The following RB1 variants were observed in gnomAD, a reference collection of about 807,000 sequenced individuals.
RB1 encodes the protein RB transcriptional corepressor 1.
A neutral mutation model predicts 135.4 loss-of-function variants in RB1; 18 were observed. That is an observed-to-expected ratio of 0.13 (90% CI 0.09 to 0.20). RB1 has a LOEUF of 0.20. Among genes scored for constraint, RB1 ranks in the 10% least tolerant of loss-of-function variants. The probability of loss-of-function intolerance (pLI) is 1.00; values close to 1 mark genes in which losing one functional copy is unlikely to be tolerated. For synonymous variants in RB1, 365 were observed against 373.2 expected (o/e 0.98, Z 0.25); for missense variants, 868 against 1,110.0 (o/e 0.78, Z 3.10).
chr13:48,333,486 T>C (rs556054564), intron 2 of RB1, among the ~76,000 whole-genome samples: 1 of 152,182 alleles, frequency 6.6e-6, no homozygotes, highest in African/African-American at 2.4e-5. Flanking sequence ...TTGAGCTCAA[T>C]AATCTAAGCA....
At chr13:48,317,953 C>T (rs1419197085) in intron 2 of RB1, 2 of 446,192 alleles carry the variant, frequency 4.5e-6, no homozygotes, top group South Asian at 2.0e-5. Flanking sequence ...TGGCCTTTTC[C>T]GCCAAAAACT....
intron 2 of RB1, 87 bp from the exon 3 acceptor site, chr13:48,342,512 A>G: frequency 1.2e-6 from 1 of 851,846 alleles, no homozygotes; most frequent in South Asian, 1.4e-5. Context: ...GCTGAATAAG[A>G]AAAAATCAGT....
intron 17 of RB1, among the ~76,000 whole-genome samples, chr13:48,430,773 A>C (rs1319918470): frequency 1.3e-5 from 2 of 151,612 alleles, no homozygotes; most frequent in East Asian, 1.9e-4. Context: ...AACAAAAAAA[A>C]AAAACAGTAG....
intron 17 of RB1, among the ~76,000 whole-genome samples, chr13:48,420,764 T>C (rs1371607681): frequency 1.3e-5 from 2 of 152,062 alleles, no homozygotes; most frequent in Non-Finnish European, 2.9e-5. Flanking sequence ...GAGAGCCAAA[T>C]CATGAGTGAA....
chr13:48,344,388 C>G (rs891836414), intron 3 of RB1, among the ~76,000 whole-genome samples: 6 of 152,100 alleles, frequency 3.9e-5, no homozygotes, highest in Non-Finnish European at 8.8e-5. Flanking sequence ...AGGAGGGCAT[C>G]CTTTGTGTGG....
intron 17 of RB1, among the ~76,000 whole-genome samples, chr13:48,389,043 C>T (rs1418590780): frequency 5.9e-5 from 9 of 152,068 alleles, no homozygotes; most frequent in Admixed American, 5.9e-4. Context: ...GCCTGTAATT[C>T]TAGCTACTCG....
intron 2 of RB1, among the ~76,000 whole-genome samples, chr13:48,309,104 G>A (rs1392751044): frequency 6.6e-6 from 1 of 152,136 alleles, no homozygotes; most frequent in African/African-American, 2.4e-5. Flanking sequence ...CTGGCACAAA[G>A]TGAGTCCTTG....
intron 24 of RB1, among the ~76,000 whole-genome samples, chr13:48,476,184 C>G (rs1949503105): frequency 6.6e-6 from 1 of 152,114 alleles, no homozygotes; most frequent in African/African-American, 2.4e-5. Context: ...TCCGTCAAAT[C>G]AGATATAATT....
intron 2 of RB1, among the ~76,000 whole-genome samples, chr13:48,311,788 C>T (rs1025931512): frequency 5.9e-5 from 9 of 152,194 alleles, no homozygotes; most frequent in African/African-American, 1.4e-4. Flanking sequence ...TCACTGCAAC[C>T]TCTGCCTCCC....
Position 48,345,196 on chromosome 13 carries a change from A to G in RB1, c.497A>G (p.Glu166Gly). Reference sequence around the variant, plus strand: ...TTGTTTGCACTCTTCAGCAAATTGGAAAGGTAAAGTAAACATTTTATTAGG... The same window carrying G: ...TTGTTTGCACTCTTCAGCAAATTGGGAAGGTAAAGTAAACATTTTATTAGG... The part of the protein sequence containing the change: ...DVLFALFSKL[E>G]RTCELIYLTQ... Residue 166 changes from glutamate (E) to glycine (G), a missense_variant, in exon 4 of 27, where the codon GAA becomes GGA. Glu to Gly is a moderately conservative substitution (Grantham distance 98). This residue lies in a region of RB1 where 641 missense variants were observed against 791.3 expected (regional missense o/e 0.81). Transcript: ENST00000267163. The G allele has an allele frequency of 6.2e-7, 1 of 1,611,818 alleles. No homozygotes were observed.
chr13:48,358,529 A>C (rs1952612025), intron 6 of RB1, among the ~76,000 whole-genome samples: 1 of 152,086 alleles, frequency 6.6e-6, no homozygotes, highest in South Asian at 2.1e-4. Context: ...CGTTGTTCTG[A>C]GTTTTTGTTA....
At chr13:48,381,766 T>A (rs942437428) in intron 17 of RB1, among the ~76,000 whole-genome samples, 4 of 152,206 alleles carry the variant, frequency 2.6e-5, no homozygotes, top group African/African-American at 9.6e-5. Context: ...TACATATGTA[T>A]ACATGTGCCA....
intron 13 of RB1, among the ~76,000 whole-genome samples, chr13:48,379,061 A>C (rs987836878): frequency 6.6e-6 from 1 of 152,172 alleles, no homozygotes; most frequent in Non-Finnish European, 1.5e-5. Context: ...AGTTTTACTA[A>C]ATTTATGGAC....
intron 16 of RB1, 99 bp from the exon 17 acceptor site, chr13:48,381,148 C>T (rs2138144476): frequency 2.1e-6 from 3 of 1,460,528 alleles, no homozygotes; most frequent in Non-Finnish European, 2.7e-6. Context: ...AATGGTTTAA[C>T]CTTTCTACTG....
chr13:48,431,248 A>G lies in RB1; in HGVS notation c.1696-21745A>G, dbSNP rs115575533. ...TCAGTTTTAGGTACCCAAATTTAAT[A>G]TTTGTATTTTTTTTAAGTTTTGGCC... On this transcript the variant is annotated intron_variant, in intron 17 of 26. Transcript: ENST00000267163. 1.0e-2 allele frequency among the ~76,000 whole-genome samples: 1,520 copies of G among 152,256 alleles called. 36 individuals are homozygous for G. The highest frequency in any genetic ancestry group is 0.035 in the African/African-American group (1,442 of 41,550).
chr13:48,369,426 C>T (rs923433048), intron 11 of RB1, among the ~76,000 whole-genome samples: 1 of 152,150 alleles, frequency 6.6e-6, no homozygotes, highest in African/African-American at 2.4e-5. Flanking sequence ...GTCTCCTCAC[C>T]ATCAAAGATA....
At chr13:48,313,745 C>CTTTT (rs56131979) in intron 2 of RB1, among the ~76,000 whole-genome samples, 2,977 of 101,812 alleles carry the variant, frequency 0.029, 73 homozygotes, top group Non-Finnish European at 0.04. Flanking sequence ...TATGTTTATT[C>CTTTT]TTTTTTTTTT....
At chr13:48,386,374 T>TA (rs397765938) in intron 17 of RB1, among the ~76,000 whole-genome samples, 17 of 151,636 alleles carry the variant, frequency 1.1e-4, no homozygotes, top group African/African-American at 2.9e-4. Flanking sequence ...ATTTTTTTTT[T>TA]AATCTCCACT....
chr13:48,321,910 A>G (rs1177099809), intron 2 of RB1, among the ~76,000 whole-genome samples: 1 of 152,012 alleles, frequency 6.6e-6, no homozygotes, highest in African/African-American at 2.4e-5. Context: ...TTTTAACAGG[A>G]TTATTTGTTT....
Sources: allele counts gnomAD v4.1 joint callset (sites outside exome capture counted in the v4.1 genomes callset), GRCh38; gene constraint gnomAD v4.1.1; regional missense constraint gnomAD v4.1.1; transcripts MANE v1.5; gene names NCBI Gene and HGNC (gene_info 2026-07-23, HGNC 2026-07-21).